The following FNBP1 variants were observed in gnomAD, a reference collection of about 807,000 sequenced individuals.
FNBP1 encodes the protein formin binding protein 1, also known as formin-binding protein 1.
Under a neutral mutation model 90.6 loss-of-function variants are expected in FNBP1, and 26 were observed. The observed-to-expected ratio is 0.29, with a 90% CI of 0.21 to 0.40. The LOEUF (loss-of-function observed/expected upper bound fraction) is 0.40. Among genes scored for constraint, FNBP1 ranks in the 10% least tolerant of loss-of-function variants. The pLI, the probability that FNBP1 is intolerant of heterozygous loss-of-function variation, is 1.00. For synonymous variants in FNBP1, 260 were observed against 265.2 expected (o/e 0.98, Z 0.19); for missense variants, 635 against 768.0 (o/e 0.83, Z 2.05).
At chr9:129,991,920 A>C (rs1589123663) in intron 2 of FNBP1, among the ~76,000 whole-genome samples, 1 of 152,124 alleles carries the variant, frequency 6.6e-6, no homozygotes, top group East Asian at 1.9e-4. Context: ...CAGCCTCCCA[A>C]AGTGCTGGGA....
chr9:130,017,896 T>C (rs924146472), intron 1 of FNBP1, among the ~76,000 whole-genome samples: 132 of 111,734 alleles, frequency 1.2e-3, no homozygotes, highest in Middle Eastern at 4.2e-3. Context: ...TTTTTTTACC[T>C]CCCCAATACA....
chr9:129,906,379 T>G (rs2038059980), intron 12 of FNBP1, among the ~76,000 whole-genome samples: 1 of 152,160 alleles, frequency 6.6e-6, no homozygotes, highest in Admixed American at 6.6e-5. Context: ...AATCTCATCT[T>G]GAATTGTAGC....
At chr9:129,980,075 T>C (rs2130921641) in intron 2 of FNBP1, among the ~76,000 whole-genome samples, 1 of 148,610 alleles carries the variant, frequency 6.7e-6, no homozygotes, top group South Asian at 2.3e-4. Flanking sequence ...AAAATCAGAG[T>C]GCCGGCCGGG....
chr9:130,029,100 T>C (rs1398642651), intron 1 of FNBP1, among the ~76,000 whole-genome samples: 3 of 152,194 alleles, frequency 2.0e-5, no homozygotes, highest in Non-Finnish European at 2.9e-5. Flanking sequence ...ACTGCCATTT[T>C]CCCTTTGCCT....
chr9:129,988,336 GATA>G (rs2052609023), intron 2 of FNBP1, among the ~76,000 whole-genome samples: 1 of 152,118 alleles, frequency 6.6e-6, no homozygotes, highest in African/African-American at 2.4e-5. Context: ...ACCTTGAATA[GATA>G]GTGACCTCAG....
At chr9:129,947,479 G>GC (rs1276751899) in intron 6 of FNBP1, among the ~76,000 whole-genome samples, 2 of 151,308 alleles carry the variant, frequency 1.3e-5, no homozygotes, top group African/African-American at 4.9e-5. Flanking sequence ...AAAACAAAAG[G>GC]CAAGTTCCTC....
chr9:129,928,085 G>A (rs1022802997), intron 7 of FNBP1, among the ~76,000 whole-genome samples: 10 of 152,126 alleles, frequency 6.6e-5, no homozygotes, highest in African/African-American at 2.4e-4. Context: ...CTTGTTTGCT[G>A]TGTGTGTAGA....
At chr9:129,960,314 G>A (rs968752403) in intron 4 of FNBP1, among the ~76,000 whole-genome samples, 1 of 146,012 alleles carries the variant, frequency 6.8e-6, no homozygotes, top group Non-Finnish European at 1.5e-5. Flanking sequence ...GGGGGCTGGA[G>A]GTTGCACTGC....
chr9:130,001,406 C>G (rs951354998), intron 1 of FNBP1, among the ~76,000 whole-genome samples: 4 of 151,676 alleles, frequency 2.6e-5, no homozygotes, highest in African/African-American at 9.7e-5. Context: ...TTAACTGATA[C>G]TAAAGCATCA....
chr9:129,986,804 TAAAAATAA>T (rs1442237585), intron 2 of FNBP1, among the ~76,000 whole-genome samples: 2 of 151,508 alleles, frequency 1.3e-5, no homozygotes, highest in African/African-American at 4.9e-5. Flanking sequence ...AAAAAAATTT[TAAAAATAA>T]AAAAATAAAA....
intron 1 of FNBP1, among the ~76,000 whole-genome samples, chr9:130,018,129 T>C (rs2057444194): frequency 1.3e-5 from 2 of 151,660 alleles, no homozygotes; most frequent in Admixed American, 6.6e-5. Context: ...TTAGCCAGGA[T>C]GGTCTCGATC....
intron 1 of FNBP1, among the ~76,000 whole-genome samples, chr9:130,037,953 C>G (rs1428542662): frequency 6.6e-6 from 1 of 152,158 alleles, no homozygotes; most frequent in African/African-American, 2.4e-5. Context: ...AGACAATCCT[C>G]AAACGGCTGC....
intron 5 of FNBP1, 126 bp downstream of exon 5, chr9:129,958,365 G>A: frequency 4.5e-6 from 3 of 663,860 alleles, no homozygotes; most frequent in Non-Finnish European, 7.7e-6. Context: ...CTGGGAAGCA[G>A]AGGTTACAGT....
upstream of FNBP1, chr9:130,045,115 C>G (rs1403285437): frequency 6.6e-6 from 1 of 152,112 alleles, no homozygotes; most frequent in Non-Finnish European, 1.5e-5. Flanking sequence ...TACAACCCTC[C>G]CTTCCTGCCC....
At chr9:129,996,630 A>C (rs2054042778) in intron 1 of FNBP1, among the ~76,000 whole-genome samples, 1 of 152,174 alleles carries the variant, frequency 6.6e-6, no homozygotes, top group Non-Finnish European at 1.5e-5. Context: ...ATATAAAGCT[A>C]GTGTTTAATC....
chr9:129,904,374 A>G (rs2037572463), intron 12 of FNBP1, among the ~76,000 whole-genome samples: 1 of 152,184 alleles, frequency 6.6e-6, no homozygotes, highest in Non-Finnish European at 1.5e-5. Context: ...TTGAAGACCA[A>G]AGAGCTCTAC....
rs545831567 is a variant in FNBP1 at position 129,892,430 on chromosome 9, G to A, written c.1847-1884C>T. 6.6e-5 allele frequency among the ~76,000 whole-genome samples: 9 copies of A among 136,822 alleles called. 1 individual carries two copies. In the East Asian group the frequency reaches 1.5e-3, roughly 23 times the overall value. The allele number at this position is 136,822 out of a possible 152,430, so 89.8% of individuals were successfully genotyped here. A position where few individuals can be genotyped will look rare whatever the true frequency, so the allele number is the denominator to read the frequency against. ...ACACACACACACAAAAAGGTTGACC[G>A]GCATTATAAAAATAAAACAGCTGCA... On this transcript the variant is annotated intron_variant, in intron 16 of 16. Transcript: ENST00000446176.
chr9:129,978,737 G>C (rs538380711), intron 3 of FNBP1, 125 bp from the exon 4 acceptor site: 14 of 869,666 alleles, frequency 1.6e-5, no homozygotes, highest in Non-Finnish European at 2.3e-5. Flanking sequence ...AGGATCCTGA[G>C]TATTCATTAC....
rs1262393435 is a variant in FNBP1 at position 129,966,274 on chromosome 9, C to G, written c.346-7721G>C. On this transcript the variant is annotated intron_variant, in intron 4 of 16. Transcript: ENST00000446176. This position sits in a 1 kb window ranked among gnomAD's most constrained non-coding sequence, Gnocchi z 4.3. ...AATACCCTCCAAGCCGCAGGCAGAG[C>G]AAGTGCAGATGCTCTGAGTGTGAAG... 6.6e-6 allele frequency among the ~76,000 whole-genome samples: 1 copy of G among 152,218 alleles called. No homozygotes were observed. Among genetic ancestry groups the G allele is most frequent in the African/African-American group, 2.4e-5 (1 of 41,464 alleles).
Sources: allele counts gnomAD v4.1 joint callset (sites outside exome capture counted in the v4.1 genomes callset), GRCh38; gene constraint gnomAD v4.1.1; non-coding constraint Gnocchi (gnomAD v3.1); transcripts MANE v1.5; gene names NCBI Gene and HGNC (gene_info 2026-07-23, HGNC 2026-07-21).